Variants in ST18 observed in about 807,000 individuals in gnomAD.
ST18 encodes the protein ST18 C2H2C-type zinc finger transcription factor, also known as suppression of tumorigenicity 18 protein.
A neutral mutation model predicts 110.0 loss-of-function variants in ST18; 50 were observed. The observed-to-expected ratio is 0.45, with a 90% CI of 0.36 to 0.58. The LOEUF is 0.58. Among genes scored for constraint, ST18 ranks in the 20% least tolerant of loss-of-function variants. The pLI, the probability that ST18 is intolerant of heterozygous loss-of-function variation, is 0.00. For missense variants in ST18, 1,306 were observed against 1,280.1 expected, an observed-to-expected ratio of 1.02 and a Z score of -0.31; for synonymous variants, 461 against 452.4, an observed-to-expected ratio of 1.02 and a Z score of -0.24.
At chr8:52,369,230 A>C (rs1477931497) in intron 2 of ST18, among the ~76,000 whole-genome samples, 1 of 152,196 alleles carries the variant, frequency 6.6e-6, no homozygotes, top group African/African-American at 2.4e-5. Context: ...TAAGGCCCCT[A>C]AATTTTAACC....
In ST18 at chr8:52,398,181, A is replaced by G. The variant is rs116249389; in HGVS notation, c.-465+11147T>C. ...TAAATTTATTCCTAAGCATCTCTAA[A>G]CAATTGAAATGGGATCATTTTCTTG... On this transcript the variant is annotated intron_variant, in intron 2 of 25. Coordinates refer to ENST00000689386, the MANE Select transcript of ST18 (RefSeq NM_001352837.2). Among the ~76,000 whole-genome samples, 320 of 152,260 alleles carry G rather than the reference A, an allele frequency of 2.1e-3. 2 individuals carry two copies. Among genetic ancestry groups the G allele is most frequent in the African/African-American group, 7.1e-3 (296 of 41,568 alleles).
At chr8:52,169,650 G>C (rs1374625817) in intron 10 of ST18, among the ~76,000 whole-genome samples, 1 of 152,216 alleles carries the variant, frequency 6.6e-6, no homozygotes, top group Non-Finnish European at 1.5e-5. Context: ...AGCATGGAGT[G>C]CATGTCAGAG....
intron 2 of ST18, among the ~76,000 whole-genome samples, chr8:52,283,121 A>T (rs1443755664): frequency 6.6e-6 from 1 of 152,072 alleles, no homozygotes; most frequent in Non-Finnish European, 1.5e-5. Context: ...AGAACTGATG[A>T]CTTGTTGGTG....
At position 52,163,551 on chromosome 8, in the gene ST18, T is replaced by C. The variant is rs539809368; in HGVS notation, c.1400+435A>G. ...GAATTTTTGTTTTAAATACATTATA[T>C]GTGTTTGTGGAACTGAAGGATGAAT... On this transcript the variant is annotated intron_variant, in intron 13 of 25. Transcript: ENST00000689386. Among the ~76,000 whole-genome samples the C allele has an allele frequency of 1.1e-4, 17 of 152,284 alleles. No individual in the cohort carries two copies. In the East Asian group the frequency reaches 1.4e-3, roughly 12 times the overall value.
At chr8:52,269,105 T>C (rs2094982781) in intron 2 of ST18, among the ~76,000 whole-genome samples, 2 of 152,242 alleles carry the variant, frequency 1.3e-5, no homozygotes, top group Admixed American at 6.5e-5. Flanking sequence ...CAGGATATTC[T>C]TCAAACACTA....
intron 17 of ST18, among the ~76,000 whole-genome samples, chr8:52,137,973 T>C (rs999131848): frequency 5.9e-5 from 9 of 151,374 alleles, no homozygotes; most frequent in African/African-American, 2.2e-4. Flanking sequence ...TGGTGGTGCA[T>C]GCCTGTAATC....
intron 10 of ST18, among the ~76,000 whole-genome samples, chr8:52,170,422 A>G (rs1265264704): frequency 6.6e-6 from 1 of 151,802 alleles, no homozygotes; most frequent in Non-Finnish European, 1.5e-5. Context: ...ACTGCACTCC[A>G]GCCTGGGCAA....
chr8:52,193,018 G>T (rs928639780), intron 8 of ST18, among the ~76,000 whole-genome samples: 1 of 152,116 alleles, frequency 6.6e-6, no homozygotes, highest in Non-Finnish European at 1.5e-5. Flanking sequence ...ATCCACTGGG[G>T]TATCTCTTTA....
intron 2 of ST18, among the ~76,000 whole-genome samples, chr8:52,262,189 C>T (rs1287606123): frequency 6.6e-6 from 1 of 152,176 alleles, no homozygotes; most frequent in East Asian, 1.9e-4. Flanking sequence ...TCCACTCTTG[C>T]AATAATGGAG....
intron 9 of ST18, among the ~76,000 whole-genome samples, chr8:52,173,781 C>T (rs2065882114): frequency 6.6e-6 from 1 of 152,160 alleles, no homozygotes; most frequent in African/African-American, 2.4e-5. Context: ...GTTAAAGACA[C>T]CAAGAGCAGT....
intron 2 of ST18, among the ~76,000 whole-genome samples, chr8:52,262,729 G>C (rs966092376): frequency 2.0e-5 from 3 of 152,136 alleles, no homozygotes; most frequent in African/African-American, 7.2e-5. Context: ...GAATTTCTAA[G>C]TACCATTTGA....
chr8:52,400,952 T>C (rs762433664), intron 2 of ST18, among the ~76,000 whole-genome samples: 1 of 152,186 alleles, frequency 6.6e-6, no homozygotes, highest in Non-Finnish European at 1.5e-5. Context: ...ATAGTAATCA[T>C]CATCCTTTTG....
In ST18 at chr8:52,214,127, G is replaced by A. The variant is rs535529950; in HGVS notation, c.55+76C>T. 2.8e-5 allele frequency: 40 copies of A among 1,446,228 alleles called. No individual in the cohort carries two copies. In the African/African-American group the frequency reaches 3.8e-4, roughly 14 times the overall value. The allele number at this position is 1,446,228 out of a possible 1,614,324, so 89.6% of individuals were successfully genotyped here. A position where few individuals can be genotyped will look rare whatever the true frequency, so the allele number is the denominator to read the frequency against. On this transcript the variant is annotated intron_variant, in intron 7 of 25. Transcript: ENST00000689386. ...AGTTGTAATCATTCTGACTGCACAC[G>A]AGGGACTGAGCACTGGAACGCTCAT... is the stretch of plus-strand genomic sequence containing the variant.
intron 8 of ST18, among the ~76,000 whole-genome samples, chr8:52,196,827 TG>T (rs1231714282): frequency 6.6e-6 from 1 of 152,162 alleles, no homozygotes; most frequent in African/African-American, 2.4e-5. Flanking sequence ...CTGTCACTCA[TG>T]CATAGCACAG....
At chr8:52,223,643 CAAAAAAA>C in intron 3 of ST18, among the ~76,000 whole-genome samples, 1 of 115,618 alleles carries the variant, frequency 8.6e-6, no homozygotes, top group South Asian at 3.0e-4. Context: ...GACTCTGTCT[CAAAAAAA>C]AAAAAAAAAT....
chr8:52,328,550 A>T (rs1396258499), intron 2 of ST18, among the ~76,000 whole-genome samples: 1 of 151,948 alleles, frequency 6.6e-6, no homozygotes, highest in Admixed American at 6.6e-5. Flanking sequence ...GATTTACAAA[A>T]CTCTTAAAGA....
intron 16 of ST18, among the ~76,000 whole-genome samples, chr8:52,144,255 TAAAA>T (rs576978761): frequency 6.6e-6 from 1 of 152,008 alleles, no homozygotes; most frequent in East Asian, 1.9e-4. Context: ...GATGAACTAA[TAAAA>T]AAAACTGTCT....
At chr8:52,285,380 T>C (rs1375455810) in intron 2 of ST18, among the ~76,000 whole-genome samples, 1 of 152,204 alleles carries the variant, frequency 6.6e-6, no homozygotes, top group Non-Finnish European at 1.5e-5. Flanking sequence ...CCAACATCTG[T>C]CGTTAACTTT....
At chr8:52,304,771 A>G (rs185912582) in intron 2 of ST18, among the ~76,000 whole-genome samples, 235 of 152,286 alleles carry the variant, frequency 1.5e-3, no homozygotes, top group Non-Finnish European at 2.3e-3. Flanking sequence ...GGAATAGCCA[A>G]CGTCTGGGAA....
Sources: gnomAD v4.1 joint callset for allele counts (sites outside exome capture counted in the v4.1 genomes callset) on GRCh38, gnomAD v4.1.1 for gene constraint, MANE v1.5 for transcripts, NCBI Gene and HGNC (gene_info 2026-07-23, HGNC 2026-07-21) for gene names.